Variants in CCNL1 observed in about 807,000 individuals in gnomAD.
CCNL1 encodes cyclin-L1.
CCNL1 carries 13 observed loss-of-function variants against 60.6 expected under a neutral mutation model. The observed-to-expected ratio is 0.21, with a 90% CI of 0.14 to 0.34. CCNL1 has a LOEUF of 0.34. CCNL1 is among the 10% of genes least tolerant of loss of function. CCNL1 has a pLI of 1.00. For synonymous variants in CCNL1, 270 were observed against 244.3 expected, an observed-to-expected ratio of 1.10 and a Z score of -0.98; for missense variants, 481 against 664.3, an observed-to-expected ratio of 0.72 and a Z score of 3.03.
At position 157,156,310 on chromosome 3, in the gene CCNL1, G is replaced by C. The variant is rs1362295718; in HGVS notation, c.488+2556C>G. On this transcript the variant is annotated intron_variant, in intron 3 of 10. Coordinates refer to ENST00000295926, the MANE Select transcript of CCNL1 (RefSeq NM_020307.4). Reference sequence around the variant, plus strand: ...GAGCCACAGAATTATACTGTAGAAAGGTGGTAGACTAAATGACATCACTTA... The same window carrying C: ...GAGCCACAGAATTATACTGTAGAAACGTGGTAGACTAAATGACATCACTTA... 3.9e-5 allele frequency among the ~76,000 whole-genome samples: 6 copies of C among 152,200 alleles called. No individual in the cohort carries two copies. The East Asian group carries it at 1.2e-3, about 29-fold the overall frequency.
chr3:157,144,339 G>A (rs1016278994), downstream of CCNL1, among the ~76,000 whole-genome samples: 1 of 152,204 alleles, frequency 6.6e-6, no homozygotes, highest in Non-Finnish European at 1.5e-5. Flanking sequence ...ATATTTGAGT[G>A]CGTTCCAATA....
At chr3:157,145,748 C>G (rs1737766710), downstream of CCNL1, among the ~76,000 whole-genome samples, 3 of 152,028 alleles carry the variant, frequency 2.0e-5, no homozygotes. Flanking sequence ...AAACCTAAAT[C>G]TGATCAAGCC....
At chr3:157,145,102 G>A (rs1190031242), downstream of CCNL1, among the ~76,000 whole-genome samples, 1 of 152,102 alleles carries the variant, frequency 6.6e-6, no homozygotes, top group Non-Finnish European at 1.5e-5. Context: ...AGCTGCAAAG[G>A]ACAAATGTAA....
Position 157,148,494 on chromosome 3 carries a change from T to C in CCNL1, c.1328A>G (p.His443Arg), listed in dbSNP as rs747466174. The stretch of plus-strand genomic sequence containing the variant: ...CTTGGCCTTAAGGTGAGGAGAACCA[T>C]GATTATGATGTCTTCGAGGGCTTTC... ...HSESPRRHHN[H>R]GSPHLKAKHT... Residue 443 changes from histidine (H) to arginine (R), a missense_variant, in exon 11 of 11, where the codon CAT (histidine) becomes CGT (arginine). Coordinates refer to ENST00000295926, the MANE Select transcript of CCNL1 (RefSeq NM_020307.4). 19 of 1,614,208 alleles carry C rather than the reference T, an allele frequency of 1.2e-5. No homozygotes were observed. Among genetic ancestry groups the C allele is most frequent in the Non-Finnish European group, 1.6e-5 (19 of 1,180,032 alleles).
rs370132441 is a variant in CCNL1 at position 157,150,062 on chromosome 3, T to C, written c.879+3A>G. On this transcript the variant is annotated splice_donor_region_variant and intron_variant, in intron 7 of 10. Coordinates refer to ENST00000295926, the MANE Select transcript of CCNL1 (RefSeq NM_020307.4). ...TTGGCACAAACGAGTAAATAGAGAA[T>C]ACCTTTTTTCTGGTATAAAGCCTAA... The C allele has an allele frequency of 3.7e-6, 6 of 1,608,488 alleles. No individual in the cohort carries two copies. The highest frequency in any genetic ancestry group is 3.4e-6 in the Non-Finnish European group (4 of 1,178,348).
chr3:157,154,102 G>A (rs567729850), intron 3 of CCNL1: 2 of 152,230 alleles, frequency 1.3e-5, no homozygotes, highest in African/African-American at 4.8e-5. Context: ...TTATGTCAGT[G>A]GTTTAATGCT....
chr3:157,159,531 A>AGGC (rs1282627997), intron 1 of CCNL1, 52 bp from the exon 2 acceptor site: 2 of 1,516,620 alleles, frequency 1.3e-6, no homozygotes, highest in African/African-American at 1.4e-5. Flanking sequence ...GGCCCGCTCC[A>AGGC]GGCGCCGCCG....
chr3:157,151,332 C>A (rs1026979072), intron 5 of CCNL1: 25 of 985,694 alleles, frequency 2.5e-5, no homozygotes, highest in Admixed American at 6.1e-5. Context: ...GTAGTTGTGG[C>A]TGAACCACAA....
rs1737885037 is a variant in CCNL1, at chr3:157,148,265, T to C, written c.1557A>G (p.Ser519=). ...HKSKHHGGSR[S]GHGRHRR is the part of the protein sequence containing the mutation. Reference sequence around the variant, plus strand: ...GTCAGCGCCTGTGCCTGCCATGTCCTGAGCGACTGCCACCATGGTGCTTGC... The same window carrying C: ...GTCAGCGCCTGTGCCTGCCATGTCCCGAGCGACTGCCACCATGGTGCTTGC... The change falls in exon 11 of 11, where the codon TCA becomes TCG. Residue 519 remains serine (S), a synonymous_variant. Transcript: ENST00000295926. 1 of 1,614,014 alleles carries C rather than the reference T, an allele frequency of 6.2e-7. No homozygotes were observed. Among genetic ancestry groups the C allele is most frequent in the African/African-American group, 1.3e-5 (1 of 74,930 alleles).
chr3:157,149,229 A>G (rs563760353), intron 10 of CCNL1, 58 bp downstream of exon 10: 1 of 1,339,704 alleles, frequency 7.5e-7, no homozygotes, highest in Non-Finnish European at 1.1e-6. Flanking sequence ...TTAAAGAAAA[A>G]GCAATAACCT....
downstream of CCNL1, among the ~76,000 whole-genome samples, chr3:157,146,978 C>G (rs1437190927): frequency 6.6e-6 from 1 of 152,180 alleles, no homozygotes; most frequent in Non-Finnish European, 1.5e-5. Context: ...CCTTGTGAAG[C>G]TATTTTTTCC....
chr3:157,149,997 T>G lies in CCNL1; in HGVS notation c.880-20A>C. On this transcript the variant is annotated intron_variant, in intron 7 of 10. Transcript: ENST00000295926. ...GTTTGGCTGTTGGAGGAAAAAAAAG[T>G]TAGTATTTCTTCCTTAGAGTAGCTT... The G allele has an allele frequency of 6.7e-7, 1 of 1,498,510 alleles. No homozygotes were observed. The allele number at this position is 1,498,510 out of a possible 1,614,324, so 92.8% of individuals were successfully genotyped here.
At position 157,150,360 on chromosome 3, in the gene CCNL1, A is replaced by C. The variant is rs760884151; in HGVS notation, c.696T>G (p.Leu232=). 2 of 1,613,918 alleles carry C rather than the reference A, an allele frequency of 1.2e-6. No individual in the cohort carries two copies. The highest frequency in any genetic ancestry group is 2.2e-5 in the South Asian group (2 of 91,070). ...QTAWNYMNDS[L]RTNVFVRFQP... Reference sequence around the variant, plus strand: ...GAAATCGAACAAACACATTGGTTCGAAGACTGTCATTCATGTAATTCCTGA... The same window carrying C: ...GAAATCGAACAAACACATTGGTTCGCAGACTGTCATTCATGTAATTCCTGA... Residue 232 remains leucine (L), a synonymous_variant, in exon 6 of 11, where the codon CTT becomes CTG. Coordinates refer to ENST00000295926, the MANE Select transcript of CCNL1 (RefSeq NM_020307.4).
chr3:157,151,234 G>A (rs1052479111), intron 5 of CCNL1: 1 of 985,268 alleles, frequency 1.0e-6, no homozygotes, highest in Non-Finnish European at 1.2e-6. Flanking sequence ...AAAGAAGCAT[G>A]GCAGTCATAA....
intron 5 of CCNL1, chr3:157,151,323 T>C (rs1738176128): frequency 1.0e-6 from 1 of 985,672 alleles, no homozygotes; most frequent in African/African-American, 1.7e-5. Flanking sequence ...TAGGAAACAG[T>C]AGTTGTGGCT....
At position 157,159,780 on chromosome 3, in the gene CCNL1, C is replaced by T. The variant is rs1021046493; in HGVS notation, c.303+12G>A. ...GAGGAGCGCCCGGCCGGCCCGGGGC[C>T]GGAGCACTGACCTGCGGCAGCCGGA... is the stretch of plus-strand genomic sequence containing the variant. On this transcript the variant is annotated intron_variant, in intron 1 of 10. Transcript: ENST00000295926. 8 of 1,524,732 alleles carry T rather than the reference C, an allele frequency of 5.2e-6. No individual in the cohort carries two copies. Among genetic ancestry groups the T allele is most frequent in the Non-Finnish European group, 6.2e-6 (7 of 1,129,220 alleles). 94.5% of individuals were successfully genotyped at this position (1,524,732 alleles called of 1,614,324 possible). A position where few individuals can be genotyped will look rare whatever the true frequency, so the allele number is the denominator to read the frequency against.
chr3:157,152,609 G>A, intron 4 of CCNL1: 2 of 1,071,254 alleles, frequency 1.9e-6, no homozygotes, highest in Non-Finnish European at 2.3e-6. Context: ...GATAATGAAA[G>A]CTAAGAGATG....
At chr3:157,151,861 T>A in intron 5 of CCNL1, 1 of 1,189,904 alleles carries the variant, frequency 8.4e-7, no homozygotes, top group Non-Finnish European at 1.1e-6. Context: ...GGGTAGCCAA[T>A]CAGGCCATCC....
intron 3 of CCNL1, chr3:157,157,082 C>G (rs1738678254): frequency 7.8e-7 from 1 of 1,289,754 alleles, no homozygotes; most frequent in Non-Finnish European, 1.0e-6. Flanking sequence ...TGTAGCTGGT[C>G]GCTGTATAGT....
Sources: gnomAD v4.1 joint callset for allele counts (sites outside exome capture counted in the v4.1 genomes callset) on GRCh38, gnomAD v4.1.1 for gene constraint, MANE v1.5 for transcripts, NCBI Gene and HGNC (gene_info 2026-07-23, HGNC 2026-07-21) for gene names.